The following ATP2A1 variants were observed in gnomAD, a reference collection of about 807,000 sequenced individuals.
ATP2A1 encodes sarcoplasmic/endoplasmic reticulum calcium ATPase 1.
Under a neutral mutation model 109.5 loss-of-function variants are expected in ATP2A1, and 83 were observed. The observed-to-expected ratio is 0.76, with a 90% confidence interval of 0.63 to 0.91. The LOEUF (loss-of-function observed/expected upper bound fraction) is 0.91. Among genes scored for constraint, ATP2A1 ranks in the 40% least tolerant of loss-of-function variants. The pLI, the probability that ATP2A1 is intolerant of heterozygous loss-of-function variation, is 0.00. For missense variants in ATP2A1, 1,101 were observed against 1,341.0 expected (o/e 0.82, Z 2.80); for synonymous variants, 505 against 537.6 (o/e 0.94, Z 0.84).
At chr16:28,890,198 G>A (rs941882651) in intron 9 of ATP2A1, among the ~76,000 whole-genome samples, 6 of 150,912 alleles carry the variant, frequency 4.0e-5, no homozygotes, top group Admixed American at 6.7e-5. Flanking sequence ...GGTGGCTCAC[G>A]TCTGTAATCT....
chr16:28,892,874 G>A (rs891579672), intron 9 of ATP2A1, among the ~76,000 whole-genome samples: 4 of 151,606 alleles, frequency 2.6e-5, no homozygotes, highest in South Asian at 2.1e-4. Flanking sequence ...GCGAAATTCC[G>A]TCTCTACTAA....
At chr16:28,900,116 A>C (rs1041690263) in intron 14 of ATP2A1, among the ~76,000 whole-genome samples, 2 of 151,794 alleles carry the variant, frequency 1.3e-5, no homozygotes, top group African/African-American at 4.8e-5. Context: ...GCAACATAGC[A>C]AGATCCTTTC....
chr16:28,880,978 C>T lies in ATP2A1; in HGVS notation c.283C>T (p.Leu95Phe), dbSNP rs1343747364. Residue 95 changes from leucine (L) to phenylalanine (F), a missense_variant, in exon 4 of 23, where the codon CTC becomes TTC. Leu to Phe is a conservative substitution (Grantham distance 22, BLOSUM62 0). Transcript: ENST00000395503. This position sits in a 1 kb window ranked among gnomAD's most constrained non-coding sequence, Gnocchi z 4.2. ...ITAFVEPFVI[L>F]LILIANAIVG... is the part of the protein sequence containing the mutation. Reference sequence around the variant, plus strand: ...TGCCTTTGTTGAACCCTTTGTCATCCTCTTGATCCTCATTGCCAATGCCAT... The same window carrying T: ...TGCCTTTGTTGAACCCTTTGTCATCTTCTTGATCCTCATTGCCAATGCCAT... 6.2e-7 allele frequency: 1 copy of T among 1,614,076 alleles called. No individual in the cohort carries two copies. The highest frequency in any genetic ancestry group is 1.3e-5 in the African/African-American group (1 of 74,922).
At chr16:28,879,317 GC>G (rs1406057192) in intron 2 of ATP2A1, 183 bp from the exon 3 acceptor site, 7 of 838,632 alleles carry the variant, frequency 8.3e-6, no homozygotes, top group South Asian at 6.0e-5. Context: ...CCCTTGAACT[GC>G]CCCCCACTTT....
intron 4 of ATP2A1, among the ~76,000 whole-genome samples, chr16:28,881,770 C>T (rs1963489067): frequency 6.6e-6 from 1 of 150,682 alleles, no homozygotes. Flanking sequence ...CAATTGCACT[C>T]CAGCATGGGC....
Position 28,902,371 on chromosome 16 carries a change from T to C in ATP2A1, c.2509T>C (p.Tyr837His). 6.2e-7 allele frequency: 1 copy of C among 1,613,954 alleles called. No homozygotes were observed. Residue 837 changes from tyrosine (Y) to histidine (H), a missense_variant, in exon 17 of 23, where the codon TAC becomes CAC. Tyr to His is a moderately conservative substitution (Grantham distance 83, BLOSUM62 2). Transcript: ENST00000395503. The surrounding 1 kb of genome is among the most constrained non-coding windows in gnomAD (Gnocchi z 4.8). ...CATCAGTGGCTGGCTCTTCTTCCGC[T>C]ACATGGCAATCGGGGGTGAGCTGGA... ...PLISGWLFFR[Y>H]MAIGGYVGAA...
intron 3 of ATP2A1, 31 bp downstream of exon 3, chr16:28,879,614 TG>T: frequency 2.5e-6 from 4 of 1,608,366 alleles, no homozygotes; most frequent in Non-Finnish European, 3.4e-6. Flanking sequence ...GGGGGCTGGC[TG>T]GGGGTGTGAG....
chr16:28,900,495 A>C (rs1596684618), intron 14 of ATP2A1, 86 bp from the exon 15 acceptor site: 32 of 1,174,978 alleles, frequency 2.7e-5, no homozygotes, highest in South Asian at 1.1e-4. Context: ...CTGACCTTTC[A>C]CCCCATCCCC....
chr16:28,880,958 T>C lies in ATP2A1; in HGVS notation c.263T>C (p.Phe88Ser), dbSNP rs570249259. Residue 88 changes from phenylalanine (F) to serine (S), a missense_variant, in exon 4 of 23, where the codon TTT becomes TCT. Physicochemically the swap from Phe to Ser is radical, Grantham distance 155 (BLOSUM62 -2). Coordinates refer to ENST00000395503, the MANE Select transcript of ATP2A1 (RefSeq NM_004320.6). This position sits in a 1 kb window ranked among gnomAD's most constrained non-coding sequence, Gnocchi z 4.2. Reference protein sequence around the residue: ...FEEGEETITAFVEPFVILLIL... With the variant: ...FEEGEETITASVEPFVILLIL... ...GAAGGTGAAGAGACCATCACTGCCT[T>C]TGTTGAACCCTTTGTCATCCTCTTG... 6.2e-7 allele frequency: 1 copy of C among 1,614,216 alleles called. No homozygotes were observed. Among genetic ancestry groups the C allele is most frequent in the South Asian group, 1.1e-5 (1 of 91,088 alleles).
chr16:28,898,262 T>C lies in ATP2A1; in HGVS notation c.1575T>C (p.Cys525=), dbSNP rs748983031. 1.2e-6 allele frequency: 2 copies of C among 1,614,228 alleles called. No individual in the cohort carries two copies. The highest frequency in any genetic ancestry group is 2.2e-5 in the South Asian group (2 of 91,088). The change falls in exon 14 of 23, where the codon TGT becomes TGC. Residue 525 remains cysteine (C), a synonymous_variant. Coordinates refer to ENST00000395503, the MANE Select transcript of ATP2A1 (RefSeq NM_004320.6). This position sits in a 1 kb window ranked among gnomAD's most constrained non-coding sequence, Gnocchi z 4.0. ...KGAPEGVIDR[C]NYVRVGTTRV... is the part of the protein sequence containing the mutation. ...CCCCTGAGGGCGTCATCGACCGCTGTAACTATGTGCGAGTTGGCACCACCC... is the reference window on the plus strand; with the variant it reads ...CCCCTGAGGGCGTCATCGACCGCTGCAACTATGTGCGAGTTGGCACCACCC...
intron 11 of ATP2A1, 65 bp from the exon 12 acceptor site, chr16:28,894,757 G>A: frequency 1.9e-6 from 3 of 1,608,540 alleles, no homozygotes; most frequent in East Asian, 2.2e-5. Flanking sequence ...ACGCTAGGTG[G>A]AAGGAGGGTA....
In ATP2A1 at chr16:28,879,480, TC is replaced by T. The variant is rs1374553499; in HGVS notation, c.137-17del. ...CCCACTAGACCTTAACCCGGGGCCC[TC>T]CCCTTGCCTCCTCCCCCAGGGAAGA... On this transcript the variant is annotated intron_variant, in intron 2 of 22. Transcript: ENST00000395503. 6.2e-7 allele frequency: 1 copy of T among 1,610,362 alleles called. No homozygotes were observed. Among genetic ancestry groups the T allele is most frequent in the Non-Finnish European group, 8.5e-7 (1 of 1,176,838 alleles).
In ATP2A1 at chr16:28,887,635, G is replaced by A. The variant is rs182391081; in HGVS notation, c.841G>A (p.Asp281Asn). The A allele has an allele frequency of 1.8e-5, 29 of 1,614,090 alleles. No individual in the cohort carries two copies. The highest frequency in any genetic ancestry group is 4.5e-5 in the East Asian group (2 of 44,872). The change falls in exon 8 of 23, where the codon GAC becomes AAC. Residue 281 changes from aspartate (D) to asparagine (N), a missense_variant. By Grantham distance (23) the Asp-to-Asn change is conservative (BLOSUM62 1). Coordinates refer to ENST00000395503, the MANE Select transcript of ATP2A1 (RefSeq NM_004320.6). ...VWLINIGHFN[D>N]PVHGGSWFRG... ...GCTTATCAACATTGGCCACTTCAAC[G>A]ACCCCGTCCATGGGGGCTCCTGGTT...
intron 8 of ATP2A1, among the ~76,000 whole-genome samples, chr16:28,888,048 G>C (rs564207642): frequency 1.3e-5 from 2 of 152,032 alleles, no homozygotes; most frequent in Non-Finnish European, 2.9e-5. Flanking sequence ...TGATCTGCCC[G>C]CCTTGGCCTC....
chr16:28,887,697 C>T lies in ATP2A1; in HGVS notation c.903C>T (p.Ala301=), dbSNP rs899735742. 1 of 1,614,082 alleles carries T rather than the reference C, an allele frequency of 6.2e-7. No individual in the cohort carries two copies. Residue 301 remains alanine (A), a synonymous_variant, in exon 8 of 23, where the codon GCC becomes GCT. Transcript: ENST00000395503. ...TCTACTACTTTAAGATTGCCGTGGC[C>T]TTGGCTGTGGCTGCCATCCCCGAAG... ...GAIYYFKIAV[A]LAVAAIPEGL... is the part of the protein sequence containing the mutation.
At position 28,902,227 on chromosome 16, in the gene ATP2A1, C is replaced by G. The variant is rs768267496; in HGVS notation, c.2365C>G (p.Pro789Ala). 1 of 1,614,120 alleles carries G rather than the reference C, an allele frequency of 6.2e-7. No homozygotes were observed. Among genetic ancestry groups the G allele is most frequent in the Non-Finnish European group, 8.5e-7 (1 of 1,180,008 alleles). ...CCTGGGGCTGCCTGAGGCCCTGATC[C>G]CGGTGCAGCTGCTATGGGTGAACTT... ...AALGLPEALI[P>A]VQLLWVNLVT... The change falls in exon 17 of 23, where the codon CCG becomes GCG. Residue 789 changes from proline (P) to alanine (A), a missense_variant. Coordinates refer to ENST00000395503, the MANE Select transcript of ATP2A1 (RefSeq NM_004320.6). The surrounding 1 kb of genome is among the most constrained non-coding windows in gnomAD (Gnocchi z 4.8).
chr16:28,891,695 T>C (rs1433415855), intron 9 of ATP2A1, among the ~76,000 whole-genome samples: 1 of 150,686 alleles, frequency 6.6e-6, no homozygotes, highest in East Asian at 2.0e-4. Context: ...TTGGCCAACA[T>C]GGTGAAAACC....
chr16:28,894,217 C>T lies in ATP2A1; in HGVS notation c.1158C>T (p.Gly386=), dbSNP rs1555516283. Residue 386 remains glycine (G), a synonymous_variant, in exon 10 of 23, where the codon GGC becomes GGT. Coordinates refer to ENST00000395503, the MANE Select transcript of ATP2A1 (RefSeq NM_004320.6). The part of the protein sequence containing the change: ...ICLLNEFSIT[G]STYAPEGEVL... ...TCCTGAATGAGTTCTCCATCACCGG[C>T]TCCACTTACGCTCCAGAGGGAGAGG... The T allele has an allele frequency of 1.2e-6, 2 of 1,614,046 alleles. No individual in the cohort carries two copies. Among genetic ancestry groups the T allele is most frequent in the Non-Finnish European group, 1.7e-6 (2 of 1,180,008 alleles).
intron 14 of ATP2A1, 61 bp from the exon 15 acceptor site, chr16:28,900,515 CAGCTT>C: frequency 6.9e-7 from 1 of 1,443,688 alleles, no homozygotes; most frequent in Non-Finnish European, 9.2e-7. Flanking sequence ...CACCCCCCAC[CAGCTT>C]CCTCCAGGGG....
Sources: allele counts gnomAD v4.1 joint callset (sites outside exome capture counted in the v4.1 genomes callset), GRCh38; gene constraint gnomAD v4.1.1; non-coding constraint Gnocchi (gnomAD v3.1); transcripts MANE v1.5; gene names NCBI Gene and HGNC (gene_info 2026-07-23, HGNC 2026-07-21).